IGF2BP2: variants seen among roughly 807,000 people sequenced by gnomAD.
IGF2BP2 encodes insulin like growth factor 2 mRNA binding protein 2.
A neutral mutation model predicts 75.8 loss-of-function variants in IGF2BP2; 17 were observed. That is an observed-to-expected ratio of 0.22 (90% CI 0.15 to 0.34). IGF2BP2 has a LOEUF of 0.34. Ranked by LOEUF, IGF2BP2 falls within the 10% of genes least tolerant of loss-of-function variation. The pLI is 1.00. For missense variants in IGF2BP2, 516 were observed against 772.4 expected (o/e 0.67, Z 3.93); for synonymous variants, 288 against 295.6 (o/e 0.97, Z 0.26).
intron 12 of IGF2BP2, among the ~76,000 whole-genome samples, chr3:185,653,931 T>C (rs776809484): frequency 5.9e-5 from 9 of 152,196 alleles, no homozygotes; most frequent in Non-Finnish European, 1.2e-4. Flanking sequence ...TGGACCACTG[T>C]GTCACTTGAG....
At chr3:185,677,068 T>TATATAGAGAGAGAGAGAGAG in intron 7 of IGF2BP2, among the ~76,000 whole-genome samples, 3 of 35,860 alleles carry the variant, frequency 8.4e-5, no homozygotes, top group East Asian at 6.9e-4. Context: ...TATATATATA[T>TATATAGAGAGAGAGAGAGAG]AGAGAGAGAG....
Position 185,797,970 on chromosome 3 carries a change from G to A in IGF2BP2, c.239+25183C>T, listed in dbSNP as rs1304813988. ...TAATCTCAACACTTTGGGAGGCCGA[G>A]GCAGGTGGATCACCTGAGGTCAGGA... On this transcript the variant is annotated intron_variant, in intron 2 of 15. Coordinates refer to ENST00000382199, the MANE Select transcript of IGF2BP2 (RefSeq NM_006548.6). Among the ~76,000 whole-genome samples, 4 of 150,728 alleles carry A rather than the reference G, an allele frequency of 2.7e-5. No homozygotes were observed. In the East Asian group the frequency reaches 5.9e-4, roughly 22 times the overall value.
chr3:185,762,635 T>C (rs750887986), intron 2 of IGF2BP2, among the ~76,000 whole-genome samples: 1 of 151,894 alleles, frequency 6.6e-6, no homozygotes, highest in Non-Finnish European at 1.5e-5. Flanking sequence ...ACAGGTCAAA[T>C]CCCTTGAAGA....
intron 2 of IGF2BP2, among the ~76,000 whole-genome samples, chr3:185,763,044 TG>T (rs1198832762): frequency 6.6e-6 from 1 of 152,212 alleles, no homozygotes; most frequent in Admixed American, 6.5e-5. Flanking sequence ...CCTGTATAGA[TG>T]TTTTTTTGTT....
In IGF2BP2 at chr3:185,698,291, T is replaced by G. The variant is rs779158019; in HGVS notation, c.288+8A>C. ...TCATCAACCCATTAAAAATTGACAC[T>G]GGCTTACCTCCCACTGCAGGTGAGG... is the stretch of plus-strand genomic sequence containing the variant. On this transcript the variant is annotated splice_region_variant and intron_variant, in intron 3 of 15. Coordinates refer to ENST00000382199, the MANE Select transcript of IGF2BP2 (RefSeq NM_006548.6). The G allele has an allele frequency of 6.2e-7, 1 of 1,612,976 alleles. No homozygotes were observed. Among genetic ancestry groups the G allele is most frequent in the South Asian group, 1.1e-5 (1 of 91,000 alleles).
intron 3 of IGF2BP2, 92 bp from the exon 4 acceptor site, chr3:185,696,755 G>GA (rs1287670175): frequency 1.0e-4 from 100 of 1,004,658 alleles, no homozygotes; most frequent in South Asian, 5.7e-4. Context: ...CAAATTAAAG[G>GA]AAAAAAAAGA....
At chr3:185,732,813 T>C (rs1484298533) in intron 2 of IGF2BP2, among the ~76,000 whole-genome samples, 2 of 152,204 alleles carry the variant, frequency 1.3e-5, no homozygotes, top group Non-Finnish European at 2.9e-5. Flanking sequence ...ATGTAAGCAA[T>C]GTGTGGGAAT....
At chr3:185,812,133 G>A (rs1578392916) in intron 2 of IGF2BP2, among the ~76,000 whole-genome samples, 2 of 152,296 alleles carry the variant, frequency 1.3e-5, no homozygotes, top group Non-Finnish European at 2.9e-5. Context: ...CTAACCAACT[G>A]AAAATGTTTT....
intron 2 of IGF2BP2, among the ~76,000 whole-genome samples, chr3:185,765,383 C>G (rs897013146): frequency 6.6e-6 from 1 of 152,224 alleles, no homozygotes; most frequent in Non-Finnish European, 1.5e-5. Context: ...CCTCCAAAGA[C>G]AGCTCACAGC....
chr3:185,686,297 T>C (rs971130301), intron 7 of IGF2BP2, among the ~76,000 whole-genome samples: 5 of 151,158 alleles, frequency 3.3e-5, no homozygotes, highest in African/African-American at 7.3e-5. Context: ...GGCAGGAGAA[T>C]CACTTGAACC....
At chr3:185,653,360 C>T (rs1446211465) in intron 12 of IGF2BP2, among the ~76,000 whole-genome samples, 1 of 152,114 alleles carries the variant, frequency 6.6e-6, no homozygotes, top group African/African-American at 2.4e-5. Flanking sequence ...GTGGCTCACA[C>T]CTGTAATCCC....
chr3:185,764,499 TCAGTGAAACAGACAAGAAG>T (rs1426684778), intron 2 of IGF2BP2, among the ~76,000 whole-genome samples: 20 of 152,236 alleles, frequency 1.3e-4, no homozygotes, highest in Middle Eastern at 6.8e-3. Flanking sequence ...TTCCTAATAT[TCAGTGAAACAGACAAGAAG>T]CCCTTGATGG....
chr3:185,770,757 T>C lies in IGF2BP2; in HGVS notation c.239+52396A>G, dbSNP rs193258758. On this transcript the variant is annotated intron_variant, in intron 2 of 15. Coordinates refer to ENST00000382199, the MANE Select transcript of IGF2BP2 (RefSeq NM_006548.6). ...TCTTGTGGAAAGGTTTCTGTTCTAT[T>C]TGTCTTTTAGTTAGAGACAGGGTCT... Among the ~76,000 whole-genome samples, 199 of 152,288 alleles carry C rather than the reference T, an allele frequency of 1.3e-3. 1 individual carries two copies. Among genetic ancestry groups the C allele is most frequent in the Non-Finnish European group, 2.5e-3 (167 of 68,014 alleles).
chr3:185,762,787 A>C (rs1370263155), intron 2 of IGF2BP2, among the ~76,000 whole-genome samples: 1 of 152,184 alleles, frequency 6.6e-6, no homozygotes, highest in Non-Finnish European at 1.5e-5. Flanking sequence ...TGAGTTTCTT[A>C]ATAATAGCAA....
intron 2 of IGF2BP2, among the ~76,000 whole-genome samples, chr3:185,778,105 T>C (rs1734749863): frequency 6.6e-6 from 1 of 152,188 alleles, no homozygotes; most frequent in South Asian, 2.1e-4. Context: ...ACCATCTACT[T>C]TCATTTTACA....
intron 2 of IGF2BP2, among the ~76,000 whole-genome samples, chr3:185,752,988 G>A (rs576049554): frequency 1.3e-5 from 2 of 152,278 alleles, no homozygotes; most frequent in African/African-American, 4.8e-5. Flanking sequence ...GAGAATGCAG[G>A]GGGCTGAGGG....
intron 4 of IGF2BP2, chr3:185,696,328 G>C (rs1722573520): frequency 5.3e-6 from 2 of 375,140 alleles, no homozygotes; most frequent in Admixed American, 8.2e-5. Flanking sequence ...GCTTACCCTA[G>C]CCTGACAGCG....
chr3:185,783,756 C>T (rs1735511578), intron 2 of IGF2BP2, among the ~76,000 whole-genome samples: 1 of 152,098 alleles, frequency 6.6e-6, no homozygotes, highest in South Asian at 2.1e-4. Flanking sequence ...CCATATTTTC[C>T]CCAGTTTATT....
At chr3:185,716,407 C>G in intron 2 of IGF2BP2, 1 of 490,408 alleles carries the variant, frequency 2.0e-6, no homozygotes, top group Non-Finnish European at 4.0e-6. Flanking sequence ...CAGAATATCC[C>G]TCTTTTCTTT....
Sources: gnomAD v4.1 joint callset for allele counts (sites outside exome capture counted in the v4.1 genomes callset) on GRCh38, gnomAD v4.1.1 for gene constraint, MANE v1.5 for transcripts, NCBI Gene and HGNC (gene_info 2026-07-23, HGNC 2026-07-21) for gene names.